Variants in TBC1D22A observed in about 807,000 individuals in gnomAD.
TBC1D22A encodes the protein putative GTPase activator.
TBC1D22A carries 38 observed loss-of-function variants against 60.2 expected under a neutral mutation model. That is an observed-to-expected ratio of 0.63 (90% CI 0.49 to 0.83). The LOEUF is 0.83. Ranked by LOEUF, TBC1D22A falls within the 40% of genes least tolerant of loss-of-function variation. The pLI, the probability that TBC1D22A is intolerant of heterozygous loss-of-function variation, is 0.00. For missense variants in TBC1D22A, 628 were observed against 701.0 expected (o/e 0.90, Z 1.18); for synonymous variants, 302 against 281.7 (o/e 1.07, Z -0.72).
chr22:46,865,847 C>G (rs1204308580), intron 4 of TBC1D22A, among the ~76,000 whole-genome samples: 16 of 152,168 alleles, frequency 1.1e-4, no homozygotes, highest in Non-Finnish European at 1.0e-4. Flanking sequence ...GTAGATACCC[C>G]TCTGAGTAAC....
At chr22:46,941,409 T>C (rs2072061286) in intron 8 of TBC1D22A, among the ~76,000 whole-genome samples, 1 of 110,640 alleles carries the variant, frequency 9.0e-6, no homozygotes, top group South Asian at 2.4e-4. Context: ...ACACAGAATA[T>C]ATATACGGAA....
intron 11 of TBC1D22A, among the ~76,000 whole-genome samples, chr22:47,060,886 G>T (rs926967317): frequency 3.9e-5 from 6 of 152,168 alleles, no homozygotes; most frequent in African/African-American, 1.4e-4. Context: ...TCCCATCATC[G>T]GGGCGGTTGC....
intron 4 of TBC1D22A, among the ~76,000 whole-genome samples, chr22:46,850,499 C>G (rs1052621366): frequency 1.3e-5 from 2 of 151,834 alleles, no homozygotes; most frequent in Admixed American, 1.3e-4. Context: ...ATAAAAAAGA[C>G]CAAAAAGAAA....
chr22:46,809,150 C>T lies in TBC1D22A; in HGVS notation c.637+11530C>T, dbSNP rs1291684417. Among the ~76,000 whole-genome samples, 3 of 152,328 alleles carry T rather than the reference C, an allele frequency of 2.0e-5. No individual in the cohort carries two copies. The East Asian group carries it at 5.8e-4, about 29-fold the overall frequency. On this transcript the variant is annotated intron_variant, in intron 4 of 12. Coordinates refer to ENST00000337137, the MANE Select transcript of TBC1D22A (RefSeq NM_014346.5). ...AGTTCCAGAGGCTGGAAGTCCAGGA[C>T]CGGGGTGCTGGCTGATCCAGTTTCC... is the stretch of plus-strand genomic sequence containing the variant.
intron 6 of TBC1D22A, among the ~76,000 whole-genome samples, chr22:46,893,897 G>A (rs764224841): frequency 3.7e-4 from 56 of 152,314 alleles, no homozygotes; most frequent in Non-Finnish European, 6.2e-4. Flanking sequence ...CACCAGTAAC[G>A]TTTTGAGATA....
chr22:46,765,317 G>A (rs1176243328), intron 1 of TBC1D22A, among the ~76,000 whole-genome samples: 1 of 152,218 alleles, frequency 6.6e-6, no homozygotes, highest in South Asian at 2.1e-4. Context: ...TTTCCTATCA[G>A]TAGTGGTGAT....
chr22:46,873,043 A>G (rs1038866694), intron 4 of TBC1D22A, among the ~76,000 whole-genome samples: 4 of 152,222 alleles, frequency 2.6e-5, no homozygotes, highest in African/African-American at 9.6e-5. Flanking sequence ...AAGTTTTTAC[A>G]AGATCCAGTT....
chr22:47,074,752 C>T (rs1255042339), intron 11 of TBC1D22A, among the ~76,000 whole-genome samples: 2 of 152,232 alleles, frequency 1.3e-5, no homozygotes, highest in Admixed American at 1.3e-4. Context: ...ATCCTACCGC[C>T]TTCCTGCCCA....
intron 1 of TBC1D22A, among the ~76,000 whole-genome samples, chr22:46,768,354 AGG>A (rs2083361852): frequency 2.6e-5 from 4 of 151,740 alleles, no homozygotes; most frequent in Admixed American, 6.6e-5. Context: ...GCGTGGTGGC[AGG>A]CGCCTGTAAT....
At chr22:47,077,603 A>G (rs16996314) in intron 11 of TBC1D22A, among the ~76,000 whole-genome samples, 3,683 of 152,230 alleles carry the variant, frequency 0.024, 150 homozygotes, top group African/African-American at 0.084. Flanking sequence ...TGCTCTTTCT[A>G]TGTGCCTGGA....
intron 1 of TBC1D22A, among the ~76,000 whole-genome samples, chr22:46,786,137 G>T (rs1277521555): frequency 6.6e-6 from 1 of 152,158 alleles, no homozygotes; most frequent in African/African-American, 2.4e-5. Flanking sequence ...TAAGTGTGAT[G>T]TTAACTATGA....
Position 47,162,735 on chromosome 22 carries a change from C to T in TBC1D22A, c.1426-10763C>T, listed in dbSNP as rs184356336. Among the ~76,000 whole-genome samples, 390 of 122,082 alleles carry T rather than the reference C, an allele frequency of 3.2e-3. 11 individuals carry two copies. Among genetic ancestry groups the T allele is most frequent in the African/African-American group, 0.012 (354 of 28,488 alleles). 80.1% of individuals were successfully genotyped at this position (122,082 alleles called of 152,430 possible). The stretch of plus-strand genomic sequence containing the variant: ...AGGGAGAGTCGTGGGAATGGGACTG[C>T]GGACCCGGTGCAGGGAGAGTCGGGG... On this transcript the variant is annotated intron_variant, in intron 12 of 12. Coordinates refer to ENST00000337137, the MANE Select transcript of TBC1D22A (RefSeq NM_014346.5).
chr22:47,109,874 T>C (rs1228264164), intron 11 of TBC1D22A, among the ~76,000 whole-genome samples: 1 of 152,094 alleles, frequency 6.6e-6, no homozygotes, highest in Non-Finnish European at 1.5e-5. Flanking sequence ...TAGCCCCTCT[T>C]GAATTTCTGA....
intron 9 of TBC1D22A, among the ~76,000 whole-genome samples, chr22:46,992,503 A>G (rs1336495436): frequency 2.6e-5 from 4 of 151,960 alleles, no homozygotes; most frequent in Non-Finnish European, 5.9e-5. Flanking sequence ...AATCGTGGGA[A>G]CTCTCCTGAA....
chr22:47,076,380 T>TACACAC (rs1183466938), intron 11 of TBC1D22A, among the ~76,000 whole-genome samples: 3 of 124,538 alleles, frequency 2.4e-5, no homozygotes, highest in Non-Finnish European at 3.3e-5. Flanking sequence ...TATATATATA[T>TACACAC]ACACACACAC....
chr22:46,983,680 G>A (rs1427840819), intron 9 of TBC1D22A, among the ~76,000 whole-genome samples: 3 of 150,938 alleles, frequency 2.0e-5, no homozygotes, highest in African/African-American at 7.3e-5. Context: ...GCTGGTGCCA[G>A]AATGAGAAGA....
intron 11 of TBC1D22A, among the ~76,000 whole-genome samples, chr22:47,106,644 AAAG>A (rs1242616201): frequency 2.6e-5 from 4 of 152,242 alleles, no homozygotes; most frequent in Non-Finnish European, 5.9e-5. Context: ...GGTTGAATTT[AAAG>A]AAGGATAATA....
chr22:46,787,326 C>T (rs1383754247), intron 1 of TBC1D22A, among the ~76,000 whole-genome samples: 1 of 152,182 alleles, frequency 6.6e-6, no homozygotes, highest in Non-Finnish European at 1.5e-5. Context: ...AGACCAGCAG[C>T]TTTCTGTGTC....
chr22:46,906,552 C>T (rs553452767), intron 7 of TBC1D22A, among the ~76,000 whole-genome samples: 1 of 152,292 alleles, frequency 6.6e-6, no homozygotes, highest in African/African-American at 2.4e-5. Context: ...CGCGGGAGCA[C>T]TCACCATGGG....
Sources: gnomAD v4.1 joint callset for allele counts (sites outside exome capture counted in the v4.1 genomes callset) on GRCh38, gnomAD v4.1.1 for gene constraint, MANE v1.5 for transcripts, NCBI Gene and HGNC (gene_info 2026-07-23, HGNC 2026-07-21) for gene names.